NLRC4: variants seen among roughly 807,000 people sequenced by gnomAD.
The protein encoded by NLRC4 is NLR family CARD domain containing 4.
NLRC4 carries 63 observed loss-of-function variants against 79.9 expected under a neutral mutation model. That is an observed-to-expected ratio of 0.79 (90% CI 0.64 to 0.97). The LOEUF (loss-of-function observed/expected upper bound fraction) is 0.97. Among genes scored for constraint, NLRC4 ranks in the 50% least tolerant of loss-of-function variants. The pLI is 0.00. For synonymous variants in NLRC4, 461 were observed against 456.5 expected (o/e 1.01, Z -0.12); for missense variants, 1,074 against 1,215.2 (o/e 0.88, Z 1.73).
intron 1 of NLRC4, among the ~76,000 whole-genome samples, chr2:32,259,058 T>G (rs796757187): frequency 3.9e-5 from 6 of 152,120 alleles, no homozygotes; most frequent in African/African-American, 1.4e-4. Flanking sequence ...TGGGAACTCA[T>G]GTGGATGGGG....
intron 1 of NLRC4, among the ~76,000 whole-genome samples, chr2:32,261,316 C>CCCCTTTTTTTTTT: frequency 1.5e-4 from 15 of 96,908 alleles, no homozygotes; most frequent in Non-Finnish European, 2.5e-4. Context: ...AGCCTCCCCC[C>CCCCTTTTTTTTTT]TTTTGTTTTT....
In NLRC4 at chr2:32,248,492, A is replaced by C. The variant is rs549291577; in HGVS notation, c.2257+1115T>G. Among the ~76,000 whole-genome samples, 7 of 152,360 alleles carry C rather than the reference A, an allele frequency of 4.6e-5. No individual in the cohort carries two copies. The East Asian group carries it at 1.4e-3, about 29-fold the overall frequency. On this transcript the variant is annotated intron_variant, in intron 4 of 8. Transcript: ENST00000402280. ...AAGAGGACATAAGACCATGCCAGGC[A>C]AAGGCTAAGTCATTCAGCTCTACGC...
intron 4 of NLRC4, among the ~76,000 whole-genome samples, chr2:32,242,035 T>C (rs975465137): frequency 3.9e-5 from 6 of 152,112 alleles, no homozygotes; most frequent in African/African-American, 1.2e-4. Flanking sequence ...TTATTATGCC[T>C]TTATTATACA....
At position 32,256,878 on chromosome 2, in the gene NLRC4, A is replaced by G; in HGVS notation, c.-103T>C. On this transcript the variant is annotated 5_prime_UTR_variant, in exon 2 of 9. Coordinates refer to ENST00000402280, the MANE Select transcript of NLRC4 (RefSeq NM_001199138.2). ...CCCAATATTGTCCTCTTTTTTCTGT[A>G]AAACTACTCTTCATTCTGTAAAACA... The G allele has an allele frequency of 1.4e-6, 1 of 719,960 alleles. No homozygotes were observed. Among genetic ancestry groups the G allele is most frequent in the Non-Finnish European group, 2.6e-6 (1 of 386,590 alleles). The allele number at this position is 719,960 out of a possible 1,614,324, so 44.6% of individuals were successfully genotyped here. A position where few individuals can be genotyped will look rare whatever the true frequency, so the allele number is the denominator to read the frequency against.
intron 1 of NLRC4, among the ~76,000 whole-genome samples, chr2:32,260,213 CAAAAAAA>C (rs1197388989): frequency 4.0e-5 from 3 of 75,078 alleles, no homozygotes; most frequent in South Asian, 5.3e-4. Flanking sequence ...TGGGCAACGA[CAAAAAAA>C]AAAAAAAAAA....
chr2:32,252,128 C>T (rs1350696349), intron 3 of NLRC4, among the ~76,000 whole-genome samples: 1 of 152,238 alleles, frequency 6.6e-6, no homozygotes, highest in Non-Finnish European at 1.5e-5. Context: ...CTGAGAACCA[C>T]TGCTGCACTG....
At chr2:32,233,995 A>T (rs140186357) in intron 8 of NLRC4, among the ~76,000 whole-genome samples, 1 of 152,164 alleles carries the variant, frequency 6.6e-6, no homozygotes, top group African/African-American at 2.4e-5. Context: ...GTGTGTATAT[A>T]TGGGAAGATG....
At chr2:32,255,246 C>A (rs746171406) in intron 2 of NLRC4, among the ~76,000 whole-genome samples, 3 of 151,974 alleles carry the variant, frequency 2.0e-5, no homozygotes, top group African/African-American at 7.3e-5. Context: ...CTCACCCGGG[C>A]GCAGTGGCTC....
At chr2:32,247,098 G>A (rs950865733) in intron 4 of NLRC4, among the ~76,000 whole-genome samples, 12 of 152,220 alleles carry the variant, frequency 7.9e-5, no homozygotes, top group Non-Finnish European at 1.6e-4. Context: ...ACGGAGCTGA[G>A]TATCTTCTAC....
chr2:32,249,884 C>T lies in NLRC4; in HGVS notation c.1980G>A (p.Arg660=). 1.2e-6 allele frequency: 2 copies of T among 1,614,182 alleles called. No individual in the cohort carries two copies. Among genetic ancestry groups the T allele is most frequent in the Non-Finnish European group, 1.7e-6 (2 of 1,180,042 alleles). ...SLFFNWKQEF[R]TLEVTLRDFS... ...AATCCCGGAGTGTGACCTCCAGAGT[C>T]CTGAATTCCTGCTTCCAGTTGAAGA... The change falls in exon 4 of 9, where the codon AGG becomes AGA. Residue 660 remains arginine (R), a synonymous_variant. Transcript: ENST00000402280.
At chr2:32,228,684 A>G (rs901407801) in intron 8 of NLRC4, among the ~76,000 whole-genome samples, 3 of 152,162 alleles carry the variant, frequency 2.0e-5, no homozygotes, top group Non-Finnish European at 4.4e-5. Context: ...AAAATAAAAT[A>G]TGATAGCGGG....
intron 2 of NLRC4, among the ~76,000 whole-genome samples, chr2:32,253,983 AAGT>A (rs1473431281): frequency 6.6e-6 from 1 of 151,386 alleles, no homozygotes; most frequent in Non-Finnish European, 1.5e-5. Context: ...AAAAAAAAAA[AAGT>A]ACGTGCTGCT....
chr2:32,234,879 T>C (rs1686635152), intron 8 of NLRC4, among the ~76,000 whole-genome samples: 1 of 152,238 alleles, frequency 6.6e-6, no homozygotes, highest in Non-Finnish European at 1.5e-5. Context: ...TGAGGCCATA[T>C]GTTATACAGG....
Position 32,250,287 on chromosome 2 carries a change from C to G in NLRC4, c.1577G>C (p.Arg526Thr). 2 of 1,614,184 alleles carry G rather than the reference C, an allele frequency of 1.2e-6. No homozygotes were observed. Among genetic ancestry groups the G allele is most frequent in the Non-Finnish European group, 1.7e-6 (2 of 1,180,044 alleles). ...GCLLGLSIAKRPLWRQESLQS... is the reference protein window; with the variant it reads ...GCLLGLSIAKTPLWRQESLQS... ...CAAAGATTCCTGTCTCCAGAGAGGC[C>G]TCTTGGCGATGGAAAGTCCGAGAAG... The change falls in exon 4 of 9, where the codon AGG (arginine) becomes ACG (threonine). Residue 526 changes from arginine (R) to threonine (T), a missense_variant. Arg to Thr is a moderately conservative substitution (Grantham distance 71). Coordinates refer to ENST00000402280, the MANE Select transcript of NLRC4 (RefSeq NM_001199138.2). The surrounding 1 kb of genome is among the most constrained non-coding windows in gnomAD (Gnocchi z 4.9).
chr2:32,243,560 G>C (rs932723568), intron 4 of NLRC4, among the ~76,000 whole-genome samples: 1 of 151,892 alleles, frequency 6.6e-6, no homozygotes, highest in South Asian at 2.1e-4. Flanking sequence ...CCAGCACTTT[G>C]GGAGGCCGAG....
At chr2:32,245,622 G>A (rs1686917579) in intron 4 of NLRC4, among the ~76,000 whole-genome samples, 1 of 152,056 alleles carries the variant, frequency 6.6e-6, no homozygotes, top group Non-Finnish European at 1.5e-5. Context: ...CAGTACAACT[G>A]GATTGTTCTT....
intron 1 of NLRC4, among the ~76,000 whole-genome samples, chr2:32,259,950 C>T (rs931567411): frequency 8.5e-5 from 13 of 152,136 alleles, no homozygotes; most frequent in African/African-American, 2.9e-4. Context: ...GTGTATTGGC[C>T]GGGCACGGTG....
intron 6 of NLRC4, 123 bp downstream of exon 6, chr2:32,238,009 G>C (rs1686711184): frequency 4.5e-6 from 3 of 671,712 alleles, no homozygotes; most frequent in Non-Finnish European, 4.7e-6. Context: ...TTATCGAGAA[G>C]TTTTTATTTT....
chr2:32,239,264 G>C (rs916496506), intron 5 of NLRC4, among the ~76,000 whole-genome samples: 5 of 152,202 alleles, frequency 3.3e-5, no homozygotes, highest in Admixed American at 1.3e-4. Flanking sequence ...CTGGGCGACA[G>C]AGCGAGACTC....
Sources: gnomAD v4.1 joint callset for allele counts (sites outside exome capture counted in the v4.1 genomes callset) on GRCh38, gnomAD v4.1.1 for gene constraint, Gnocchi (gnomAD v3.1) non-coding constraint, MANE v1.5 for transcripts, NCBI Gene and HGNC (gene_info 2026-07-23, HGNC 2026-07-21) for gene names.